CALN1: variants seen among roughly 807,000 people sequenced by gnomAD.
CALN1 encodes the protein calneuron 1.
A neutral mutation model predicts 30.6 loss-of-function variants in CALN1; 17 were observed. The ratio of observed to expected loss-of-function variants is 0.56; its 90% CI spans 0.38 to 0.83. CALN1 has a LOEUF of 0.83. Among genes scored for constraint, CALN1 ranks in the 40% least tolerant of loss-of-function variants. The probability of loss-of-function intolerance (pLI) is 0.00; values close to 1 mark genes in which losing one functional copy is unlikely to be tolerated. For missense variants in CALN1, 291 were observed against 354.9 expected (o/e 0.82, Z 1.45); for synonymous variants, 156 against 131.4 (o/e 1.19, Z -1.28).
intron 4 of CALN1, among the ~76,000 whole-genome samples, chr7:72,094,945 A>G (rs575837397): frequency 6.6e-6 from 1 of 152,310 alleles, no homozygotes; most frequent in East Asian, 1.9e-4. Context: ...AAGCAATTGG[A>G]AGCCAAAACA....
rs59798860 is a variant in CALN1, at chr7:72,203,979, C to CTATTTTTTTTTTT, written c.244+74706_244+74707insAAAAAAAAAAATA. 1.7e-4 allele frequency among the ~76,000 whole-genome samples: 14 copies of CTATTTTTTTTTTT among 83,808 alleles called. 2 individuals carry two copies. The East Asian group carries it at 2.0e-3, about 12-fold the overall frequency. The allele number at this position is 83,808 out of a possible 152,430, so 55.0% of individuals were successfully genotyped here. On this transcript the variant is annotated intron_variant, in intron 3 of 6. Coordinates refer to ENST00000395275, the MANE Select transcript of CALN1 (RefSeq NM_031468.4). ...TAGCCTTCATATAAGAGGCCTCTCT[C>CTATTTTTTTTTTT]TTTTTTTTTTTTTTTTTTTTTTTTT...
chr7:72,341,405 C>A (rs1438433723), intron 2 of CALN1, among the ~76,000 whole-genome samples: 4 of 152,190 alleles, frequency 2.6e-5, no homozygotes, highest in Non-Finnish European at 4.4e-5. Flanking sequence ...TGCCTGTAAT[C>A]CCAGCTACTT....
intron 3 of CALN1, among the ~76,000 whole-genome samples, chr7:72,159,992 G>T (rs779570068): frequency 1.3e-5 from 2 of 152,128 alleles, no homozygotes; most frequent in Non-Finnish European, 2.9e-5. Flanking sequence ...CAACTTGGAG[G>T]TTCCCTTGCG....
chr7:72,420,273 C>T (rs1412384351), intron 1 of CALN1, among the ~76,000 whole-genome samples: 2 of 152,104 alleles, frequency 1.3e-5, no homozygotes, highest in Non-Finnish European at 2.9e-5. Context: ...GATTGAGGCA[C>T]GATCTAAAGT....
At chr7:72,368,273 G>C (rs1202296204) in intron 2 of CALN1, among the ~76,000 whole-genome samples, 1 of 150,044 alleles carries the variant, frequency 6.7e-6, no homozygotes, top group Admixed American at 6.8e-5. Flanking sequence ...TGTTAACTGA[G>C]TGCTGGTAAC....
At chr7:72,126,429 T>TATAAAC (rs143923985) in intron 3 of CALN1, among the ~76,000 whole-genome samples, 41,250 of 151,860 alleles carry the variant, frequency 0.27, 6,233 homozygotes, top group Non-Finnish European at 0.35. Context: ...TGTTGGCTGC[T>TATAAAC]ATAAACATGT....
At chr7:72,136,715 T>G (rs1012705041) in intron 3 of CALN1, among the ~76,000 whole-genome samples, 2 of 152,236 alleles carry the variant, frequency 1.3e-5, no homozygotes, top group African/African-American at 4.8e-5. Context: ...GACATGAGAC[T>G]CTTCCTTTCA....
At chr7:72,140,279 AG>A (rs1338069788) in intron 3 of CALN1, among the ~76,000 whole-genome samples, 1 of 27,212 alleles carries the variant, frequency 3.7e-5, no homozygotes, top group African/African-American at 1.9e-4. Flanking sequence ...TCAAAATAAG[AG>A]AGAGAGAGAG....
chr7:72,204,493 A>G (rs1791687529), intron 3 of CALN1, among the ~76,000 whole-genome samples: 1 of 152,198 alleles, frequency 6.6e-6, no homozygotes, highest in Non-Finnish European at 1.5e-5. Context: ...ATTTTTTAAC[A>G]TTATAAAAAC....
intron 3 of CALN1, among the ~76,000 whole-genome samples, chr7:72,260,495 A>T (rs182152193): frequency 1.5e-4 from 23 of 152,312 alleles, no homozygotes; most frequent in Non-Finnish European, 2.6e-4. Flanking sequence ...TGGAGATTCA[A>T]AATCTAAAAC....
At chr7:72,000,898 G>A (rs1383383524) in intron 5 of CALN1, among the ~76,000 whole-genome samples, 1 of 152,182 alleles carries the variant, frequency 6.6e-6, no homozygotes, top group African/African-American at 2.4e-5. Flanking sequence ...GTTCCCTCTC[G>A]ACCAGGAATG....
Position 71,811,212 on chromosome 7 carries a change from T to TA in CALN1, c.502-721dup, listed in dbSNP as rs905217746. ...ACGCCCGGCCTAATTATGTATCGTT[T>TA]AAAAAAAAATTTAGAGACAGGGTCT... On this transcript the variant is annotated intron_variant, in intron 5 of 6. Transcript: ENST00000395275. 4.0e-5 allele frequency among the ~76,000 whole-genome samples: 6 copies of TA among 151,662 alleles called. No homozygotes were observed. The South Asian group carries it at 6.2e-4, about 16-fold the overall frequency.
At chr7:71,933,099 A>T (rs1387404168) in intron 5 of CALN1, among the ~76,000 whole-genome samples, 1 of 103,424 alleles carries the variant, frequency 9.7e-6, no homozygotes, top group Non-Finnish European at 2.3e-5. Flanking sequence ...TGCAAGCTAG[A>T]AGCTTGCATG....
At chr7:72,298,274 T>G (rs568158066) in intron 2 of CALN1, among the ~76,000 whole-genome samples, 4 of 152,214 alleles carry the variant, frequency 2.6e-5, no homozygotes, top group Non-Finnish European at 5.9e-5. Flanking sequence ...TTAAGAACTT[T>G]GCCCTGAAAT....
chr7:72,221,048 T>C (rs1042101874), intron 3 of CALN1, among the ~76,000 whole-genome samples: 3 of 152,214 alleles, frequency 2.0e-5, no homozygotes, highest in Non-Finnish European at 4.4e-5. Flanking sequence ...TTTAGTTCAA[T>C]TAGATCCCAT....
At chr7:72,111,288 G>A (rs1411877380) in intron 3 of CALN1, among the ~76,000 whole-genome samples, 1 of 152,158 alleles carries the variant, frequency 6.6e-6, no homozygotes, top group Non-Finnish European at 1.5e-5. Flanking sequence ...TCGTCTGAAA[G>A]GACTCCAGTC....
At chr7:71,818,981 T>G (rs888973625) in intron 5 of CALN1, among the ~76,000 whole-genome samples, 1 of 151,750 alleles carries the variant, frequency 6.6e-6, no homozygotes, top group Non-Finnish European at 1.5e-5. Context: ...GTGCTGGGAT[T>G]ACAGGCGTGA....
chr7:72,311,447 T>C (rs977095630), intron 2 of CALN1, among the ~76,000 whole-genome samples: 1 of 152,038 alleles, frequency 6.6e-6, no homozygotes, highest in Non-Finnish European at 1.5e-5. Context: ...CAACCTTGCA[T>C]TGTGGAAGGA....
the CALN1 span, among the ~76,000 whole-genome samples, chr7:72,453,392 G>A: frequency 6.6e-6 from 1 of 152,216 alleles, no homozygotes; most frequent in Non-Finnish European, 1.5e-5. Flanking sequence ...CTATTCAGAA[G>A]TTTCTAGAAA....
Sources: gnomAD v4.1 joint callset for allele counts (sites outside exome capture counted in the v4.1 genomes callset) on GRCh38, gnomAD v4.1.1 for gene constraint, MANE v1.5 for transcripts, NCBI Gene and HGNC (gene_info 2026-07-23, HGNC 2026-07-21) for gene names.